Variants in ADGRF4 observed in about 807,000 individuals in gnomAD.
ADGRF4 encodes the protein adhesion G protein-coupled receptor F4, also known as G-protein coupled receptor PGR18.
A neutral mutation model predicts 58.5 loss-of-function variants in ADGRF4; 63 were observed. That is an observed-to-expected ratio of 1.08 (90% confidence interval 0.88 to 1.33). The LOEUF (loss-of-function observed/expected upper bound fraction) is 1.33, where lower values mean the gene tolerates loss of function less well. ADGRF4 is among the 40% of genes most tolerant of loss of function. ADGRF4 has a pLI of 0.00. For missense variants in ADGRF4, 931 were observed against 843.9 expected, an observed-to-expected ratio of 1.10 and a Z score of -1.28; for synonymous variants, 313 against 295.4, an observed-to-expected ratio of 1.06 and a Z score of -0.61.
At position 47,713,779 on chromosome 6, in the gene ADGRF4, T is replaced by A. The variant is rs1198403246; in HGVS notation, c.553-19T>A. On this transcript the variant is annotated intron_variant, in intron 5 of 9. Coordinates refer to ENST00000283303, the MANE Select transcript of ADGRF4 (RefSeq NM_153838.5). ...AATGTGTAAATCCTTAGTATAATGT[T>A]CACCTTTCTCCATTGCAGAGCTATA... 6.6e-7 allele frequency: 1 copy of A among 1,506,654 alleles called. No individual in the cohort carries two copies. Among genetic ancestry groups the A allele is most frequent in the East Asian group, 2.3e-5 (1 of 43,832 alleles). The allele number at this position is 1,506,654 out of a possible 1,614,324, so 93.3% of individuals were successfully genotyped here.
At position 47,714,656 on chromosome 6, in the gene ADGRF4, A is replaced by G; in HGVS notation, c.1411A>G (p.Asn471Asp). Residue 471 changes from asparagine to aspartate, a missense_variant, in exon 6 of 10, where the codon AAC becomes GAC. Coordinates refer to ENST00000283303, the MANE Select transcript of ADGRF4 (RefSeq NM_153838.5). ...SHFNIKAQDY[N>D]MCVAVTFFSH... ...CTTTAACATTAAGGCCCAGGACTAC[A>G]ACATGTGTGTTGCAGTGACATTTTT... 2 of 1,614,226 alleles carry G rather than the reference A, an allele frequency of 1.2e-6. No homozygotes were observed. Among genetic ancestry groups the G allele is most frequent in the Non-Finnish European group, 1.7e-6 (2 of 1,180,040 alleles).
At chr6:47,707,164 G>A in intron 1 of ADGRF4, 66 bp from the exon 2 acceptor site, 2 of 892,028 alleles carry the variant, frequency 2.2e-6, no homozygotes, top group Non-Finnish European at 3.8e-6. Context: ...TGGTTAGCCG[G>A]ATAAGTATTG....
Position 47,714,095 on chromosome 6 carries a change from T to C in ADGRF4, c.850T>C (p.Trp284Arg), listed in dbSNP as rs1250779824. ...QIPRQELRKL[W>R]PNASQAISIA... ...TCCCAGGCAAGAGCTAAGGAAGCTG[T>C]GGCCAAATGCATCCCAAGCCATTAG... The change falls in exon 6 of 10, where the codon TGG becomes CGG. Residue 284 changes from tryptophan (W) to arginine (R), a missense_variant. Transcript: ENST00000283303. 1.2e-6 allele frequency: 2 copies of C among 1,613,964 alleles called. No homozygotes were observed. The highest frequency in any genetic ancestry group is 1.7e-6 in the Non-Finnish European group (2 of 1,180,030).
At position 47,715,329 on chromosome 6, in the gene ADGRF4, T is replaced by C. The variant is rs941906201; in HGVS notation, c.1932+152T>C. ...ATGGCATCTGTGACTGTATTGATTG[T>C]CAAGTTGAATTTAGCTGACCAGGGT... On this transcript the variant is annotated intron_variant, in intron 6 of 9. Coordinates refer to ENST00000283303, the MANE Select transcript of ADGRF4 (RefSeq NM_153838.5). 9.7e-6 allele frequency: 6 copies of C among 621,124 alleles called. No homozygotes were observed. In the African/African-American group the frequency reaches 1.1e-4, roughly 11 times the overall value. The allele number at this position is 621,124 out of a possible 1,614,324, so 38.5% of individuals were successfully genotyped here.
chr6:47,710,966 G>A, intron 4 of ADGRF4, 80 bp downstream of exon 4: 3 of 1,344,124 alleles, frequency 2.2e-6, no homozygotes, highest in Non-Finnish European at 3.0e-6. Flanking sequence ...GATCTGTTCA[G>A]CATGACAAAA....
At chr6:47,706,067 A>G (rs980942686) in intron 1 of ADGRF4, among the ~76,000 whole-genome samples, 1 of 152,246 alleles carries the variant, frequency 6.6e-6, no homozygotes, top group Admixed American at 6.5e-5. Flanking sequence ...CATCCATAGT[A>G]GACATCAGAT....
rs190135958 is a variant in ADGRF4, at chr6:47,702,100, A to G, written c.-17+3306A>G. Among the ~76,000 whole-genome samples the G allele has an allele frequency of 1.5e-3, 226 of 152,304 alleles. 1 individual carries two copies. The highest frequency in any genetic ancestry group is 5.1e-3 in the African/African-American group (213 of 41,560). On this transcript the variant is annotated intron_variant, in intron 1 of 9. Coordinates refer to ENST00000283303, the MANE Select transcript of ADGRF4 (RefSeq NM_153838.5). The stretch of plus-strand genomic sequence containing the variant: ...GTGGTCCACCCGCCTTGGCCTCCCA[A>G]GGTGCTGGGATTATAGGCGTGAACC...
At position 47,714,407 on chromosome 6, in the gene ADGRF4, T is replaced by C; in HGVS notation, c.1162T>C (p.Ser388Pro). The part of the protein sequence containing the change: ...CNYTSVVMSF[S>P]ILMSSKSMTD... ...CTACACCAGTGTGGTGATGTCTTTTTCCATTCTCATGTCCTCCAAATCGAT... is the reference window on the plus strand; with the variant it reads ...CTACACCAGTGTGGTGATGTCTTTTCCCATTCTCATGTCCTCCAAATCGAT... Residue 388 changes from serine (S) to proline (P), a missense_variant, in exon 6 of 10, where the codon TCC becomes CCC. Physicochemically the swap from Ser to Pro is moderately conservative, Grantham distance 74. Transcript: ENST00000283303. The C allele has an allele frequency of 2.5e-6, 4 of 1,614,136 alleles. No individual in the cohort carries two copies. The highest frequency in any genetic ancestry group is 3.4e-6 in the Non-Finnish European group (4 of 1,180,020).
chr6:47,703,702 T>A (rs981094758), intron 1 of ADGRF4, among the ~76,000 whole-genome samples: 1 of 152,342 alleles, frequency 6.6e-6, no homozygotes, highest in Middle Eastern at 3.4e-3. Context: ...ATTCATGTAT[T>A]TTATGGTCAC....
chr6:47,711,033 C>A (rs987990879), intron 4 of ADGRF4, 147 bp downstream of exon 4: 7 of 703,016 alleles, frequency 1.0e-5, no homozygotes, highest in South Asian at 2.3e-5. Context: ...GTTTCTTGAC[C>A]TTCTTTCCTT....
chr6:47,712,578 G>A lies in ADGRF4; in HGVS notation c.522G>A (p.Leu174=), dbSNP rs1771900092. The A allele has an allele frequency of 1.3e-6, 2 of 1,581,196 alleles. No homozygotes were observed. Among genetic ancestry groups the A allele is most frequent in the African/African-American group, 2.7e-5 (2 of 74,308 alleles). ...VELLKNISTD[L]SDNVTREKMK... ...TATTAAAAAATATTTCTACAGACTT[G>A]TCTGATAATGTTACTCGAGAGAAAA... Residue 174 remains leucine, a synonymous_variant, in exon 5 of 10, where the codon TTG becomes TTA. Coordinates refer to ENST00000283303, the MANE Select transcript of ADGRF4 (RefSeq NM_153838.5).
rs114965424 is a variant in ADGRF4, at chr6:47,716,775, T to C, written c.1933-31T>C. ...AGCAGGAATATTTTTTGAAAAACCA[T>C]CCCTCATGAATCTGTTCAATTTTGC... is the stretch of plus-strand genomic sequence containing the variant. On this transcript the variant is annotated intron_variant, in intron 6 of 9. Transcript: ENST00000283303. 2,114 of 1,558,680 alleles carry C rather than the reference T, an allele frequency of 1.4e-3. 20 individuals carry two copies. Among genetic ancestry groups the C allele is most frequent in the African/African-American group, 0.013 (963 of 73,560 alleles).
chr6:47,700,986 G>T lies in ADGRF4; in HGVS notation c.-17+2192G>T, dbSNP rs376235214. 6.0e-5 allele frequency among the ~76,000 whole-genome samples: 9 copies of T among 150,850 alleles called. No homozygotes were observed. In the East Asian group the frequency reaches 9.7e-4, roughly 16 times the overall value. Reference sequence around the variant, plus strand: ...TGTGGCCTAATTTCTCTCAGGCTCTGGGGGGGAAGAGCACAAATTGTTGTG... The same window carrying T: ...TGTGGCCTAATTTCTCTCAGGCTCTTGGGGGGAAGAGCACAAATTGTTGTG... On this transcript the variant is annotated intron_variant, in intron 1 of 9. Transcript: ENST00000283303.
intron 9 of ADGRF4, 134 bp downstream of exon 9, chr6:47,718,579 A>C: frequency 1.5e-6 from 1 of 671,192 alleles, no homozygotes; most frequent in Non-Finnish European, 2.7e-6. Context: ...CATCTTTTTC[A>C]AAGAATGGAA....
rs547423725 is a variant in ADGRF4, at chr6:47,717,004, A to G, written c.1974+157A>G. ...GTGAAAAGAAAAAAAAAACACACCAATATTCTGTCATTTCTTGCTCTTTAT... is the reference window on the plus strand; with the variant it reads ...GTGAAAAGAAAAAAAAAACACACCAGTATTCTGTCATTTCTTGCTCTTTAT... On this transcript the variant is annotated intron_variant, in intron 7 of 9. Coordinates refer to ENST00000283303, the MANE Select transcript of ADGRF4 (RefSeq NM_153838.5). Among the ~76,000 whole-genome samples, 12 of 152,254 alleles carry G rather than the reference A, an allele frequency of 7.9e-5. No homozygotes were observed. In the South Asian group the frequency reaches 2.5e-3, roughly 32 times the overall value.
chr6:47,717,495 G>T (rs1293141844), intron 8 of ADGRF4, 144 bp downstream of exon 8: 2 of 685,396 alleles, frequency 2.9e-6, no homozygotes, highest in Admixed American at 4.2e-5. Context: ...TCTTCATTCG[G>T]TAAATTTGGA....
intron 6 of ADGRF4, chr6:47,715,587 C>T (rs1771994799): frequency 6.3e-6 from 1 of 159,984 alleles, no homozygotes; most frequent in South Asian, 1.7e-4. Flanking sequence ...TGGGCCTTGC[C>T]ACTCACTTTG....
At chr6:47,702,264 G>A (rs546670241) in intron 1 of ADGRF4, among the ~76,000 whole-genome samples, 45 of 152,276 alleles carry the variant, frequency 3.0e-4, no homozygotes, top group Admixed American at 7.9e-4. Context: ...GTGTGTTGGG[G>A]GGAGTTGGGC....
chr6:47,713,980 T>A lies in ADGRF4; in HGVS notation c.735T>A (p.Phe245Leu). The change falls in exon 6 of 10, where the codon TTT becomes TTA. Residue 245 changes from phenylalanine (F) to leucine (L), a missense_variant. Coordinates refer to ENST00000283303, the MANE Select transcript of ADGRF4 (RefSeq NM_153838.5). ...AACTCTTCATTCAGACAAAAGGGTT[T>A]CACATCAACCATAATACCTCAGAGA... ...VNELFIQTKG[F>L]HINHNTSEKS... is the part of the protein sequence containing the mutation. 2 of 1,604,620 alleles carry A rather than the reference T, an allele frequency of 1.2e-6. No individual in the cohort carries two copies. The highest frequency in any genetic ancestry group is 1.7e-6 in the Non-Finnish European group (2 of 1,175,270).
Sources: allele counts gnomAD v4.1 joint callset (sites outside exome capture counted in the v4.1 genomes callset), GRCh38; gene constraint gnomAD v4.1.1; transcripts MANE v1.5; gene names NCBI Gene and HGNC (gene_info 2026-07-23, HGNC 2026-07-21).